Variants in GLIS3 observed in about 807,000 individuals in gnomAD.
GLIS3 encodes the protein zinc finger protein GLIS3.
Under a neutral mutation model 78.6 loss-of-function variants are expected in GLIS3, and 53 were observed. The ratio of observed to expected loss-of-function variants is 0.67; its 90% confidence interval spans 0.54 to 0.85. GLIS3 has a LOEUF of 0.85. Ranked by LOEUF, GLIS3 falls within the 40% of genes least tolerant of loss-of-function variation. The pLI is 0.00. For missense variants in GLIS3, 1,703 were observed against 1,231.1 expected, an observed-to-expected ratio of 1.38 and a Z score of -5.74; for synonymous variants, 684 against 509.9, an observed-to-expected ratio of 1.34 and a Z score of -4.60.
At chr9:4,115,160 T>C (rs1831539912) in intron 4 of GLIS3, among the ~76,000 whole-genome samples, 1 of 152,204 alleles carries the variant, frequency 6.6e-6, no homozygotes, top group Admixed American at 6.5e-5. Flanking sequence ...CCAAACACAA[T>C]GTGGTCATCA....
At chr9:4,247,432 A>G (rs559331068) in intron 2 of GLIS3, among the ~76,000 whole-genome samples, 286 of 152,354 alleles carry the variant, frequency 1.9e-3, no homozygotes, top group Non-Finnish European at 3.4e-3. Context: ...AAAAATAATT[A>G]TAAGAATAGA....
chr9:4,324,744 C>G (rs1817578297), intron 2 of GLIS3, among the ~76,000 whole-genome samples: 2 of 152,308 alleles, frequency 1.3e-5, no homozygotes, highest in South Asian at 4.1e-4. Flanking sequence ...TTCTGTAAAT[C>G]ACTTGATTTG....
At position 3,826,278 on chromosome 9, in the gene GLIS3, T is replaced by A. The variant is rs1167496657; in HGVS notation, c.*1994A>T. 1 of 152,234 alleles carries A rather than the reference T, an allele frequency of 6.6e-6. No homozygotes were observed. Among genetic ancestry groups the A allele is most frequent in the Non-Finnish European group, 1.5e-5 (1 of 68,038 alleles). 9.4% of individuals were successfully genotyped at this position (152,234 alleles called of 1,614,324 possible). A position where few individuals can be genotyped will look rare whatever the true frequency, so the allele number is the denominator to read the frequency against. Reference sequence around the variant, plus strand: ...GTTTCTCTGAAGATAGCAGAGTTTTTTTCTTTCCAGAGTATGACAAAGGAC... The same window carrying A: ...GTTTCTCTGAAGATAGCAGAGTTTTATTCTTTCCAGAGTATGACAAAGGAC... On this transcript the variant is annotated 3_prime_UTR_variant, in exon 11 of 11. Transcript: ENST00000381971.
intron 4 of GLIS3, among the ~76,000 whole-genome samples, chr9:4,106,568 AG>A (rs1830767540): frequency 6.6e-6 from 1 of 152,116 alleles, no homozygotes; most frequent in Non-Finnish European, 1.5e-5. Flanking sequence ...ATGGACCAAA[AG>A]TGTCCATAGA....
At chr9:4,240,226 G>A (rs1046057555) in intron 2 of GLIS3, among the ~76,000 whole-genome samples, 8 of 151,568 alleles carry the variant, frequency 5.3e-5, no homozygotes, top group African/African-American at 1.9e-4. Context: ...GGATGAAACT[G>A]TTCCACCTCA....
chr9:4,031,468 T>C (rs889577022), intron 4 of GLIS3, among the ~76,000 whole-genome samples: 23 of 152,312 alleles, frequency 1.5e-4, no homozygotes, highest in African/African-American at 5.5e-4. Context: ...GATTAGTAGT[T>C]GCCTGTGGCT....
At chr9:3,913,926 GAC>G (rs1234453561) in intron 6 of GLIS3, among the ~76,000 whole-genome samples, 22 of 152,314 alleles carry the variant, frequency 1.4e-4, no homozygotes, top group African/African-American at 5.1e-4. Flanking sequence ...ATGAATGAAT[GAC>G]AAATGAGCCA....
In GLIS3 at chr9:4,214,837, GA is replaced by G. The variant is rs199751529; in HGVS notation, c.388+71200del. Among the ~76,000 whole-genome samples, 878 of 152,044 alleles carry G rather than the reference GA, an allele frequency of 5.8e-3. 14 individuals are homozygous for G. Among genetic ancestry groups the G allele is most frequent in the African/African-American group, 0.019 (801 of 41,456 alleles). Reference sequence around the variant, plus strand: ...AATACAAAATGCATTTCATAGGCTGGAAAAAAAATTAGCCTTGCAAGGCTGG... The same window carrying G: ...AATACAAAATGCATTTCATAGGCTGGAAAAAAATTAGCCTTGCAAGGCTGG... On this transcript the variant is annotated intron_variant, in intron 2 of 10. Coordinates refer to ENST00000381971, the MANE Select transcript of GLIS3 (RefSeq NM_001042413.2).
chr9:3,962,944 TA>T (rs1207144650), intron 4 of GLIS3, among the ~76,000 whole-genome samples: 2 of 89,214 alleles, frequency 2.2e-5, no homozygotes, highest in African/African-American at 9.3e-5. Context: ...TGCTGTGATT[TA>T]AGGGGGGGGG....
intron 2 of GLIS3, among the ~76,000 whole-genome samples, chr9:4,198,941 G>C (rs1819113826): frequency 1.3e-5 from 2 of 152,126 alleles, no homozygotes; most frequent in South Asian, 4.1e-4. Flanking sequence ...TTCCAGCCAA[G>C]AATTTCATAT....
intron 4 of GLIS3, among the ~76,000 whole-genome samples, chr9:4,062,318 A>AATCCCC (rs1826721923): frequency 6.6e-6 from 1 of 152,204 alleles, no homozygotes; most frequent in African/African-American, 2.4e-5. Context: ...CCATATTGAA[A>AATCCCC]ATACTGGTGG....
chr9:4,032,456 T>C lies in GLIS3; in HGVS notation c.1710+85312A>G, dbSNP rs185852777. On this transcript the variant is annotated intron_variant, in intron 4 of 10. Transcript: ENST00000381971. ...AGAATGCTTTTTTTTCAAAATTTTA[T>C]ATTTTTATATATTTTTAAAAATCTT... Among the ~76,000 whole-genome samples, 134 of 152,034 alleles carry C rather than the reference T, an allele frequency of 8.8e-4. 2 individuals are homozygous for C. Among genetic ancestry groups the C allele is most frequent in the African/African-American group, 2.8e-3 (118 of 41,510 alleles).
At chr9:4,136,119 A>G (rs1833389759) in intron 2 of GLIS3, among the ~76,000 whole-genome samples, 1 of 152,236 alleles carries the variant, frequency 6.6e-6, no homozygotes. Context: ...AATGCTCAAA[A>G]CTGTGCAAAA....
intron 6 of GLIS3, among the ~76,000 whole-genome samples, chr9:3,915,396 C>T (rs1320079941): frequency 6.6e-6 from 1 of 152,040 alleles, no homozygotes; most frequent in East Asian, 1.9e-4. Flanking sequence ...CAGATTCCAT[C>T]TCACAAGCAC....
chr9:4,367,974 C>T, the GLIS3 span, among the ~76,000 whole-genome samples: 3 of 152,184 alleles, frequency 2.0e-5, no homozygotes, highest in African/African-American at 7.2e-5. Context: ...AAGAACATGT[C>T]AAATCCAGAA....
chr9:4,158,547 T>C (rs756880266), intron 2 of GLIS3, among the ~76,000 whole-genome samples: 1 of 152,240 alleles, frequency 6.6e-6, no homozygotes, highest in South Asian at 2.1e-4. Context: ...ATGTCCCCGA[T>C]ATGCTGAGAT....
chr9:3,901,185 G>A (rs12348645), intron 6 of GLIS3: 243 of 158,866 alleles, frequency 1.5e-3, no homozygotes, highest in African/African-American at 5.5e-3. Context: ...ACCGCCCTTC[G>A]CTGACTCCCT....
intron 8 of GLIS3, among the ~76,000 whole-genome samples, chr9:3,874,585 TG>T (rs969035325): frequency 6.6e-6 from 1 of 152,046 alleles, no homozygotes; most frequent in African/African-American, 2.4e-5. Flanking sequence ...GCATCAGAAG[TG>T]GGGGGCAGTC....
At chr9:4,024,194 A>T (rs1823116820) in intron 4 of GLIS3, among the ~76,000 whole-genome samples, 1 of 152,172 alleles carries the variant, frequency 6.6e-6, no homozygotes, top group Admixed American at 6.5e-5. Context: ...GCAACCCCCC[A>T]GTCTGTCTGC....
Sources: gnomAD v4.1 joint callset for allele counts (sites outside exome capture counted in the v4.1 genomes callset) on GRCh38, gnomAD v4.1.1 for gene constraint, MANE v1.5 for transcripts, NCBI Gene and HGNC (gene_info 2026-07-23, HGNC 2026-07-21) for gene names.